DLG1: variants seen among roughly 807,000 people sequenced by gnomAD.
DLG1 encodes the protein disks large homolog 1.
In DLG1, 42 loss-of-function variants were observed where a neutral mutation model predicts 123.4. The ratio of observed to expected loss-of-function variants is 0.34; its 90% CI spans 0.27 to 0.44. DLG1 has a LOEUF of 0.44. DLG1 is among the 20% of genes least tolerant of loss of function. The pLI, the probability that DLG1 is intolerant of heterozygous loss-of-function variation, is 1.00. For synonymous variants in DLG1, 317 were observed against 356.2 expected, an observed-to-expected ratio of 0.89 and a Z score of 1.24; for missense variants, 942 against 1,082.6, an observed-to-expected ratio of 0.87 and a Z score of 1.82.
chr3:197,208,454 C>T (rs1436591863), intron 4 of DLG1, among the ~76,000 whole-genome samples: 1 of 146,716 alleles, frequency 6.8e-6, no homozygotes, highest in Non-Finnish European at 1.5e-5. Context: ...AGTGTGTAGG[C>T]AGTTATTTAT....
At chr3:197,163,824 A>G (rs1219400423) in intron 5 of DLG1, among the ~76,000 whole-genome samples, 2 of 150,852 alleles carry the variant, frequency 1.3e-5, no homozygotes. Flanking sequence ...GGTGTGAGCC[A>G]CTGCACCCAG....
intron 10 of DLG1, among the ~76,000 whole-genome samples, chr3:197,133,325 C>G (rs1049132677): frequency 2.0e-5 from 3 of 152,316 alleles, no homozygotes; most frequent in Non-Finnish European, 4.4e-5. Context: ...ACCTGGCTAA[C>G]AGTCCCAGCT....
intron 5 of DLG1, among the ~76,000 whole-genome samples, chr3:197,154,981 G>A (rs1284358858): frequency 6.6e-6 from 1 of 152,156 alleles, no homozygotes; most frequent in African/African-American, 2.4e-5. Flanking sequence ...TGTGGGAGTT[G>A]CATGAGAAAT....
At chr3:197,152,419 CTTTTTTTT>C (rs768327685) in intron 5 of DLG1, among the ~76,000 whole-genome samples, 2 of 94,700 alleles carry the variant, frequency 2.1e-5, no homozygotes, top group Non-Finnish European at 2.0e-5. Flanking sequence ...ATCCCAAAGT[CTTTTTTTT>C]TTTTTTTTTT....
chr3:197,104,565 CCA>C (rs1350796073), intron 14 of DLG1, among the ~76,000 whole-genome samples: 1 of 152,002 alleles, frequency 6.6e-6, no homozygotes, highest in Non-Finnish European at 1.5e-5. Context: ...GCCTGTAATC[CCA>C]GTTACTTGGG....
intron 4 of DLG1, chr3:197,260,218 G>C: frequency 2.4e-6 from 1 of 413,556 alleles, no homozygotes; most frequent in East Asian, 7.8e-5. Flanking sequence ...TCTCACATCT[G>C]TCACTAACAA....
intron 6 of DLG1, among the ~76,000 whole-genome samples, chr3:197,143,492 G>A (rs957977211): frequency 2.0e-5 from 3 of 152,138 alleles, no homozygotes; most frequent in South Asian, 2.1e-4. Context: ...TTCTGACCTC[G>A]TGATCCACCC....
intron 5 of DLG1, among the ~76,000 whole-genome samples, chr3:197,190,856 A>G (rs960645079): frequency 6.6e-6 from 1 of 152,110 alleles, no homozygotes; most frequent in Non-Finnish European, 1.5e-5. Context: ...TAAAAATACA[A>G]AATATTAGCC....
At chr3:197,062,845 TAAC>T (rs1392180195) in intron 22 of DLG1, among the ~76,000 whole-genome samples, 2 of 152,208 alleles carry the variant, frequency 1.3e-5, no homozygotes, top group East Asian at 1.9e-4. Context: ...TATCTACTCT[TAAC>T]AATCCATGGG....
chr3:197,055,494 G>T (rs571397365), intron 23 of DLG1, among the ~76,000 whole-genome samples: 4 of 152,116 alleles, frequency 2.6e-5, no homozygotes, highest in Non-Finnish European at 5.9e-5. Context: ...CTTTCCCAGG[G>T]TTTGCTGTTT....
At chr3:197,119,560 C>G in intron 11 of DLG1, 30 bp from the exon 12 acceptor site, 1 of 1,581,078 alleles carries the variant, frequency 6.3e-7, no homozygotes, top group South Asian at 1.1e-5. Flanking sequence ...AAAAATACTT[C>G]AAACACGAAA....
chr3:197,254,835 G>A (rs1256565119), intron 4 of DLG1, among the ~76,000 whole-genome samples: 1 of 152,086 alleles, frequency 6.6e-6, no homozygotes, highest in Non-Finnish European at 1.5e-5. Flanking sequence ...CACCTCCTGA[G>A]GTCAGGAGTT....
chr3:197,139,665 T>C (rs572959175), intron 8 of DLG1, among the ~76,000 whole-genome samples: 163 of 152,322 alleles, frequency 1.1e-3, no homozygotes, highest in South Asian at 6.8e-3. Flanking sequence ...ATAGTCTTTG[T>C]GGTGTGGGAT....
intron 4 of DLG1, among the ~76,000 whole-genome samples, chr3:197,262,595 C>A (rs1393914367): frequency 6.6e-6 from 1 of 152,190 alleles, no homozygotes; most frequent in African/African-American, 2.4e-5. Context: ...TAAATGGGGG[C>A]AGTCTTGTGG....
chr3:197,274,035 C>T (rs981733234), intron 4 of DLG1, among the ~76,000 whole-genome samples: 5 of 152,050 alleles, frequency 3.3e-5, no homozygotes, highest in African/African-American at 1.2e-4. Flanking sequence ...CTAACCAAAG[C>T]AATATACAGA....
At chr3:197,091,155 C>T (rs765262136) in intron 14 of DLG1, 129 bp from the exon 15 acceptor site, 28 of 528,024 alleles carry the variant, frequency 5.3e-5, no homozygotes, top group Admixed American at 1.0e-4. Context: ...TAGTAATATG[C>T]GAAAGATTTT....
chr3:197,200,370 C>G (rs569610775), intron 4 of DLG1, among the ~76,000 whole-genome samples: 33 of 151,970 alleles, frequency 2.2e-4, no homozygotes, highest in Admixed American at 6.5e-5. Flanking sequence ...TCCATGCAAG[C>G]CAATATACTT....
Position 197,223,373 on chromosome 3 carries a change from AATCT to A in DLG1, c.319-28788_319-28785del, listed in dbSNP as rs558617556. Among the ~76,000 whole-genome samples, 507 of 152,350 alleles carry A rather than the reference AATCT, an allele frequency of 3.3e-3. 2 individuals are homozygous for A. Among genetic ancestry groups the A allele is most frequent in the African/African-American group, 4.7e-3 (197 of 41,574 alleles). ...AGTAAACATATTGCTTCTTCATGAT[AATCT>A]ATTACTGTAACCTTCTTGGATAAAT... On this transcript the variant is annotated intron_variant, in intron 4 of 24. Coordinates refer to ENST00000667157, the MANE Select transcript of DLG1 (RefSeq NM_001366207.1).
At chr3:197,122,414 C>T (rs182355398) in intron 11 of DLG1, among the ~76,000 whole-genome samples, 9 of 152,148 alleles carry the variant, frequency 5.9e-5, no homozygotes, top group African/African-American at 2.2e-4. Flanking sequence ...TATTTATTAT[C>T]ACCATTTCTG....
Sources: allele counts gnomAD v4.1 joint callset (sites outside exome capture counted in the v4.1 genomes callset), GRCh38; gene constraint gnomAD v4.1.1; transcripts MANE v1.5; gene names NCBI Gene and HGNC (gene_info 2026-07-23, HGNC 2026-07-21).